The following ITSN1 variants were observed in gnomAD, a reference collection of about 807,000 sequenced individuals.
The protein encoded by ITSN1 is intersectin 1.
A neutral mutation model predicts 239.8 loss-of-function variants in ITSN1; 58 were observed. That is an observed-to-expected ratio of 0.24 (90% CI 0.20 to 0.30). The LOEUF is 0.30. Among genes scored for constraint, ITSN1 ranks in the 10% least tolerant of loss-of-function variants. The probability of loss-of-function intolerance (pLI) is 1.00; values close to 1 mark genes in which losing one functional copy is unlikely to be tolerated. For synonymous variants in ITSN1, 780 were observed against 770.8 expected (o/e 1.01, Z -0.20); for missense variants, 1,558 against 2,103.3 (o/e 0.74, Z 5.07).
intron 5 of ITSN1, among the ~76,000 whole-genome samples, chr21:33,746,823 CAA>C (rs907424956): frequency 1.8e-4 from 28 of 151,842 alleles, no homozygotes; most frequent in South Asian, 6.2e-4. Flanking sequence ...GCCTGGGAAA[CAA>C]GAGTGAAACT....
chr21:33,764,636 T>G (rs2068593884), intron 9 of ITSN1, among the ~76,000 whole-genome samples: 1 of 152,188 alleles, frequency 6.6e-6, no homozygotes, highest in South Asian at 2.1e-4. Flanking sequence ...CTAGAAGGTG[T>G]GCATTCTACT....
intron 1 of ITSN1, among the ~76,000 whole-genome samples, chr21:33,645,732 T>TG (rs1348769212): frequency 1.3e-5 from 2 of 152,068 alleles, no homozygotes; most frequent in African/African-American, 4.8e-5. Context: ...CAGCTAGAGG[T>TG]GGGGCCCTGG....
intron 30 of ITSN1, 124 bp from the exon 31 acceptor site, chr21:33,858,562 C>T: frequency 1.7e-6 from 1 of 598,460 alleles, no homozygotes; most frequent in Non-Finnish European, 3.0e-6. Flanking sequence ...AGGCGTTCAC[C>T]TCTGGGCCTC....
intron 21 of ITSN1, 129 bp from the exon 22 acceptor site, chr21:33,813,784 T>G (rs2073080424): frequency 7.2e-6 from 5 of 698,838 alleles, no homozygotes; most frequent in Non-Finnish European, 1.1e-5. Context: ...TTTTGGTACT[T>G]TACTGTGGGT....
At chr21:33,689,939 G>T (rs1441139597) in intron 1 of ITSN1, among the ~76,000 whole-genome samples, 1 of 148,740 alleles carries the variant, frequency 6.7e-6, no homozygotes, top group Non-Finnish European at 1.5e-5. Context: ...CTGCATTCCA[G>T]CATGGGCGAC....
chr21:33,763,708 TATTGTGTAATGATTTTGA>T (rs1476010301), intron 9 of ITSN1, among the ~76,000 whole-genome samples: 5 of 152,158 alleles, frequency 3.3e-5, no homozygotes, highest in African/African-American at 1.2e-4. Context: ...ATAATGTCTC[TATTGTGTAATGATTTTGA>T]ATAGCTATCG....
intron 1 of ITSN1, among the ~76,000 whole-genome samples, chr21:33,668,705 C>T (rs1004882728): frequency 6.6e-6 from 1 of 152,152 alleles, no homozygotes; most frequent in Admixed American, 6.5e-5. Context: ...ATTTTCTTTA[C>T]TCTGTGGCCA....
In ITSN1 at chr21:33,892,676, A is replaced by C. The variant is rs1986441923; in HGVS notation, c.*4376A>C. On this transcript the variant is annotated 3_prime_UTR_variant, in exon 40 of 40. Transcript: ENST00000381318. ...TAGTGAGGGGGGCTCAGGAATTCCCATGACATTGATCTAGCAGCCTCCTGC... is the reference window on the plus strand; with the variant it reads ...TAGTGAGGGGGGCTCAGGAATTCCCCTGACATTGATCTAGCAGCCTCCTGC... The C allele has an allele frequency of 6.6e-6, 1 of 152,198 alleles. No individual in the cohort carries two copies. 9.4% of individuals were successfully genotyped at this position (152,198 alleles called of 1,614,324 possible).
intron 4 of ITSN1, among the ~76,000 whole-genome samples, chr21:33,733,217 C>G (rs1415866707): frequency 6.6e-6 from 1 of 152,064 alleles, no homozygotes; most frequent in Non-Finnish European, 1.5e-5. Context: ...TCAGTCAGAA[C>G]AGATAGTCCA....
chr21:33,884,967 AAC>A (rs1985539319), intron 36 of ITSN1, 72 bp from the exon 37 acceptor site: 6 of 1,033,782 alleles, frequency 5.8e-6, no homozygotes, highest in Non-Finnish European at 9.0e-6. Flanking sequence ...GAGTCCTGGC[AAC>A]AGTGTTTGAA....
intron 1 of ITSN1, among the ~76,000 whole-genome samples, chr21:33,669,495 C>T (rs1243039273): frequency 1.4e-5 from 2 of 142,264 alleles, no homozygotes; most frequent in Non-Finnish European, 1.5e-5. Flanking sequence ...GCTGGAGTGT[C>T]GTGGTGCGAT....
chr21:33,696,492 C>T (rs1176108404), intron 1 of ITSN1, among the ~76,000 whole-genome samples: 1 of 152,190 alleles, frequency 6.6e-6, no homozygotes, highest in Non-Finnish European at 1.5e-5. Flanking sequence ...TTCTCAGTTA[C>T]TTACTCGTTA....
chr21:33,778,479 C>T (rs1290472926), intron 14 of ITSN1, among the ~76,000 whole-genome samples: 1 of 150,328 alleles, frequency 6.7e-6, no homozygotes, highest in Non-Finnish European at 1.5e-5. Context: ...TTTTCTTCTT[C>T]TCCTTGAATC....
chr21:33,743,422 C>T (rs1263311669), intron 5 of ITSN1, among the ~76,000 whole-genome samples: 1 of 152,192 alleles, frequency 6.6e-6, no homozygotes, highest in African/African-American at 2.4e-5. Flanking sequence ...GCTGAGATCA[C>T]ACCACTGCAC....
At chr21:33,647,912 A>G (rs897340453) in intron 1 of ITSN1, among the ~76,000 whole-genome samples, 3 of 152,252 alleles carry the variant, frequency 2.0e-5, no homozygotes, top group African/African-American at 2.4e-5. Flanking sequence ...CTCTGAATGT[A>G]CTTGTGAGAT....
At chr21:33,808,116 A>G (rs1304968048) in intron 20 of ITSN1, among the ~76,000 whole-genome samples, 15 of 150,002 alleles carry the variant, frequency 1.0e-4, no homozygotes, top group Non-Finnish European at 7.4e-5. Flanking sequence ...GAACCCGGGA[A>G]GCGGAGCTTG....
At chr21:33,829,574 C>G (rs1382390804) in intron 26 of ITSN1, 50 bp from the exon 27 acceptor site, 2 of 1,600,328 alleles carry the variant, frequency 1.2e-6, no homozygotes, top group African/African-American at 1.3e-5. Context: ...TTGGCCTTTT[C>G]TCCTGCTGAC....
chr21:33,748,302 T>C (rs972438684), intron 5 of ITSN1, among the ~76,000 whole-genome samples: 6 of 151,786 alleles, frequency 4.0e-5, no homozygotes, highest in Admixed American at 2.0e-4. Context: ...AATAAAAACT[T>C]AGCTGCATTT....
intron 17 of ITSN1, among the ~76,000 whole-genome samples, chr21:33,795,216 C>T (rs112348397): frequency 0.027 from 4,106 of 152,162 alleles, 132 homozygotes; most frequent in African/African-American, 0.079. Flanking sequence ...TTTGGGAGGC[C>T]GAGGTGGGCG....
Sources: allele counts gnomAD v4.1 joint callset (sites outside exome capture counted in the v4.1 genomes callset), GRCh38; gene constraint gnomAD v4.1.1; transcripts MANE v1.5; gene names NCBI Gene and HGNC (gene_info 2026-07-23, HGNC 2026-07-21).